ARHGEF28: variants seen among roughly 807,000 people sequenced by gnomAD.
ARHGEF28 encodes 190 kDa guanine nucleotide exchange factor.
In ARHGEF28, 152 loss-of-function variants were observed where a neutral mutation model predicts 206.6. The observed-to-expected ratio is 0.74, with a 90% CI of 0.64 to 0.84. The LOEUF is 0.84. Ranked by LOEUF, ARHGEF28 falls within the 40% of genes least tolerant of loss-of-function variation. The pLI is 0.00. For missense variants in ARHGEF28, 2,028 were observed against 2,073.2 expected, an observed-to-expected ratio of 0.98 and a Z score of 0.42; for synonymous variants, 763 against 776.4, an observed-to-expected ratio of 0.98 and a Z score of 0.29.
chr5:73,681,025 G>T (rs1025298518), intron 1 of ARHGEF28, among the ~76,000 whole-genome samples: 1 of 150,878 alleles, frequency 6.6e-6, no homozygotes, highest in Non-Finnish European at 1.5e-5. Context: ...TTAGTTTGCT[G>T]CTTTATTTCT....
intron 2 of ARHGEF28, among the ~76,000 whole-genome samples, chr5:73,716,729 G>A (rs182286039): frequency 1.8e-3 from 274 of 152,270 alleles, no homozygotes; most frequent in African/African-American, 5.7e-3. Flanking sequence ...TAATATCAGT[G>A]CTCAATGATG....
In ARHGEF28 at chr5:73,901,362, G is replaced by A. The variant is rs114423521; in HGVS notation, c.4074+78G>A. On this transcript the variant is annotated intron_variant, in intron 31 of 35. Transcript: ENST00000513042. ...ATAGCCTCAGGTTCTGGTCTGTCAC[G>A]GCAGTCAGTGGGGCAAAGGTGCTTT... is the stretch of plus-strand genomic sequence containing the variant. 3,347 of 1,164,394 alleles carry A rather than the reference G, an allele frequency of 2.9e-3. 59 individuals carry two copies. In the African/African-American group the frequency reaches 0.045, roughly 16 times the overall value. 72.1% of individuals were successfully genotyped at this position (1,164,394 alleles called of 1,614,324 possible).
At chr5:73,866,044 TA>T in intron 18 of ARHGEF28, 31 bp downstream of exon 18, 2 of 1,530,956 alleles carry the variant, frequency 1.3e-6, no homozygotes, top group Non-Finnish European at 1.8e-6. Context: ...CAAGAACTTT[TA>T]AAAATTTAAT....
intron 1 of ARHGEF28, among the ~76,000 whole-genome samples, chr5:73,684,398 C>T (rs1747311945): frequency 6.6e-6 from 1 of 152,178 alleles, no homozygotes; most frequent in South Asian, 2.1e-4. Flanking sequence ...ATAACATGTA[C>T]TAGCCTTTTG....
chr5:73,769,105 CTCAGGTATGTCTTTA>C (rs200394302), intron 4 of ARHGEF28, among the ~76,000 whole-genome samples: 1,825 of 152,236 alleles, frequency 0.012, 11 homozygotes, highest in Non-Finnish European at 0.016. Flanking sequence ...ATTGCCCAGT[CTCAGGTATGTCTTTA>C]TCAGCAGCAT....
chr5:73,760,146 G>T (rs988405234), intron 4 of ARHGEF28, among the ~76,000 whole-genome samples: 2 of 152,170 alleles, frequency 1.3e-5, no homozygotes, highest in African/African-American at 4.8e-5. Context: ...AGACTTACTT[G>T]CTGGCCCACA....
intron 35 of ARHGEF28, among the ~76,000 whole-genome samples, chr5:73,939,911 T>G (rs185142846): frequency 6.6e-6 from 1 of 152,296 alleles, no homozygotes; most frequent in African/African-American, 2.4e-5. Flanking sequence ...ATTTTAATTT[T>G]TATAAGTTTG....
At chr5:73,845,986 C>CAAAAAAAAAAAAAAAAAA (rs57600570) in intron 11 of ARHGEF28, among the ~76,000 whole-genome samples, 48 of 63,712 alleles carry the variant, frequency 7.5e-4, no homozygotes, top group Non-Finnish European at 1.2e-3. Flanking sequence ...AAAACTGTCT[C>CAAAAAAAAAAAAAAAAAA]AAAAAAAAAA....
intron 14 of ARHGEF28, among the ~76,000 whole-genome samples, chr5:73,855,492 G>A (rs1232134072): frequency 1.3e-5 from 2 of 152,166 alleles, no homozygotes; most frequent in Non-Finnish European, 2.9e-5. Flanking sequence ...AGCACTTTGG[G>A]AGGCCGAGGT....
chr5:73,916,652 C>G (rs555634215), intron 35 of ARHGEF28, among the ~76,000 whole-genome samples: 1 of 152,286 alleles, frequency 6.6e-6, no homozygotes, highest in Admixed American at 6.5e-5. Flanking sequence ...TTCTTTAAAG[C>G]TGTATCTACA....
intron 14 of ARHGEF28, among the ~76,000 whole-genome samples, chr5:73,857,256 G>GTGC (rs1445437427): frequency 6.6e-6 from 1 of 152,154 alleles, no homozygotes; most frequent in Non-Finnish European, 1.5e-5. Context: ...TGGCTTCTCT[G>GTGC]TGCTCTGGGG....
chr5:73,935,077 A>C (rs770174654), intron 35 of ARHGEF28, among the ~76,000 whole-genome samples: 6 of 151,834 alleles, frequency 4.0e-5, no homozygotes, highest in Non-Finnish European at 5.9e-5. Context: ...ATATAATCTC[A>C]TCTTCATTGT....
At chr5:73,861,413 A>G (rs765979187) in intron 16 of ARHGEF28, among the ~76,000 whole-genome samples, 1 of 152,248 alleles carries the variant, frequency 6.6e-6, no homozygotes, top group African/African-American at 2.4e-5. Context: ...GAAAAAGACT[A>G]TTAATATTTT....
At chr5:73,924,052 G>C (rs947909239) in intron 35 of ARHGEF28, among the ~76,000 whole-genome samples, 1 of 152,186 alleles carries the variant, frequency 6.6e-6, no homozygotes, top group Admixed American at 6.5e-5. Flanking sequence ...GTTCCTGTGA[G>C]GAACTGCCAT....
intron 2 of ARHGEF28, among the ~76,000 whole-genome samples, chr5:73,747,483 C>T (rs1380807794): frequency 6.6e-6 from 1 of 152,116 alleles, no homozygotes; most frequent in African/African-American, 2.4e-5. Flanking sequence ...TATCTAAATC[C>T]GTCTCCTTTG....
chr5:73,729,329 ATGTGTTGCTCTAAT>A (rs1265722837), intron 2 of ARHGEF28, among the ~76,000 whole-genome samples: 1 of 152,188 alleles, frequency 6.6e-6, no homozygotes, highest in African/African-American at 2.4e-5. Flanking sequence ...AGGTGATGAT[ATGTGTTGCTCTAAT>A]CATGAGGATG....
At chr5:73,657,048 G>A (rs749649112) in intron 1 of ARHGEF28, among the ~76,000 whole-genome samples, 21 of 151,594 alleles carry the variant, frequency 1.4e-4, no homozygotes, top group African/African-American at 3.2e-4. Context: ...TGGCGGGCAC[G>A]TGTAGTCCCA....
chr5:73,934,681 C>A (rs192348326), intron 35 of ARHGEF28, among the ~76,000 whole-genome samples: 10 of 152,286 alleles, frequency 6.6e-5, no homozygotes, highest in African/African-American at 2.4e-4. Context: ...GTCGGGTACA[C>A]TGTGAGAAAA....
chr5:73,655,930 A>T (rs1357213800), intron 1 of ARHGEF28, among the ~76,000 whole-genome samples: 1 of 152,152 alleles, frequency 6.6e-6, no homozygotes, highest in Non-Finnish European at 1.5e-5. Context: ...TCATTTTCTT[A>T]TGTTGTCACT....
Sources: allele counts gnomAD v4.1 joint callset (sites outside exome capture counted in the v4.1 genomes callset), GRCh38; gene constraint gnomAD v4.1.1; transcripts MANE v1.5; gene names NCBI Gene and HGNC (gene_info 2026-07-23, HGNC 2026-07-21).